Variants in DPP10 observed in about 807,000 individuals in gnomAD.
The protein encoded by DPP10 is dipeptidyl peptidase like 10.
Under a neutral mutation model 120.9 loss-of-function variants are expected in DPP10, and 33 were observed. That is an observed-to-expected ratio of 0.27 (90% CI 0.21 to 0.37). The LOEUF (loss-of-function observed/expected upper bound fraction) is 0.37. Ranked by LOEUF, DPP10 falls within the 10% of genes least tolerant of loss-of-function variation. DPP10 has a pLI of 1.00. For synonymous variants in DPP10, 337 were observed against 326.1 expected (o/e 1.03, Z -0.36); for missense variants, 816 against 942.8 (o/e 0.87, Z 1.76).
Position 115,542,694 on chromosome 2 carries a change from TA to T in DPP10, c.441+16733del, listed in dbSNP as rs979767132. Among the ~76,000 whole-genome samples the T allele has an allele frequency of 6.8e-4, 96 of 142,032 alleles. 1 individual carries two copies. The highest frequency in any genetic ancestry group is 6.6e-4 in the South Asian group (3 of 4,528). 93.2% of individuals were successfully genotyped at this position (142,032 alleles called of 152,430 possible). A position where few individuals can be genotyped will look rare whatever the true frequency, so the allele number is the denominator to read the frequency against. On this transcript the variant is annotated intron_variant, in intron 5 of 25. Coordinates refer to ENST00000410059, the MANE Select transcript of DPP10 (RefSeq NM_020868.6). ...GAGCACAAGCATTAAGAGATGACATTAAAAAAAAAAAGAGAGAGATGACATT... is the reference window on the plus strand; with the variant it reads ...GAGCACAAGCATTAAGAGATGACATTAAAAAAAAAAGAGAGAGATGACATT...
chr2:114,997,043 G>C (rs959199505), intron 1 of DPP10, among the ~76,000 whole-genome samples: 1 of 151,538 alleles, frequency 6.6e-6, no homozygotes, highest in African/African-American at 2.4e-5. Flanking sequence ...TTCTGAGGGG[G>C]TCATTGGGTA....
chr2:115,485,290 GAA>G (rs2075706222), intron 3 of DPP10, among the ~76,000 whole-genome samples: 1 of 147,324 alleles, frequency 6.8e-6, no homozygotes, highest in African/African-American at 2.5e-5. Flanking sequence ...ATATGCTTGA[GAA>G]GTTATTTTAT....
intron 1 of DPP10, among the ~76,000 whole-genome samples, chr2:115,302,125 G>C (rs2061165961): frequency 6.6e-6 from 1 of 151,932 alleles, no homozygotes; most frequent in Admixed American, 6.6e-5. Context: ...GAGAGAGTGA[G>C]TGAAGGGGGA....
intron 1 of DPP10, among the ~76,000 whole-genome samples, chr2:114,894,874 GA>G (rs1031170799): frequency 6.6e-6 from 1 of 152,044 alleles, no homozygotes; most frequent in African/African-American, 2.4e-5. Flanking sequence ...TAAAAGATGG[GA>G]AAGGACATAG....
At chr2:115,585,782 A>G (rs1020684010) in intron 5 of DPP10, among the ~76,000 whole-genome samples, 5 of 152,146 alleles carry the variant, frequency 3.3e-5, no homozygotes, top group South Asian at 2.1e-4. Context: ...ATATGTGGAC[A>G]TCTATCTATC....
At chr2:114,852,429 A>G (rs187305972) in intron 1 of DPP10, among the ~76,000 whole-genome samples, 1 of 152,206 alleles carries the variant, frequency 6.6e-6, no homozygotes, top group Admixed American at 6.5e-5. Flanking sequence ...TGTACTAAAC[A>G]TATAGAGACT....
chr2:115,810,545 C>T (rs1686526053), intron 19 of DPP10, among the ~76,000 whole-genome samples: 1 of 152,010 alleles, frequency 6.6e-6, no homozygotes, highest in Non-Finnish European at 1.5e-5. Flanking sequence ...GTGAACTCAT[C>T]CATACAGACA....
At chr2:115,733,601 A>G (rs1007156813) in intron 8 of DPP10, among the ~76,000 whole-genome samples, 1 of 152,168 alleles carries the variant, frequency 6.6e-6, no homozygotes, top group Non-Finnish European at 1.5e-5. Context: ...AAAAAAAAAA[A>G]AAAATCAACC....
chr2:115,462,237 A>C (rs2074031385), intron 3 of DPP10, among the ~76,000 whole-genome samples: 2 of 152,084 alleles, frequency 1.3e-5, no homozygotes, highest in Non-Finnish European at 2.9e-5. Context: ...TTTCCCTATG[A>C]ACTGTATTCC....
chr2:115,786,012 T>C (rs1244231584), intron 17 of DPP10, among the ~76,000 whole-genome samples: 1 of 152,136 alleles, frequency 6.6e-6, no homozygotes, highest in East Asian at 1.9e-4. Flanking sequence ...TTTAAACATG[T>C]AAAAAACCTC....
chr2:114,867,817 G>T (rs574481074), intron 1 of DPP10, among the ~76,000 whole-genome samples: 121 of 152,278 alleles, frequency 7.9e-4, no homozygotes, highest in African/African-American at 2.8e-3. Context: ...GGAAAATGAG[G>T]TCATGGTGTC....
chr2:115,402,852 A>ATATATAT (rs70941056), intron 3 of DPP10, among the ~76,000 whole-genome samples: 22 of 56,948 alleles, frequency 3.9e-4, no homozygotes, highest in Admixed American at 5.4e-4. Flanking sequence ...GAAAAAAAAA[A>ATATATAT]AAATATATAT....
chr2:114,841,343 A>G (rs1371306740), intron 1 of DPP10, among the ~76,000 whole-genome samples: 1 of 152,196 alleles, frequency 6.6e-6, no homozygotes, highest in African/African-American at 2.4e-5. Flanking sequence ...CAAAAATAAA[A>G]TAGTTGATTG....
intron 1 of DPP10, among the ~76,000 whole-genome samples, chr2:114,477,986 CATATATGTGTAT>C: frequency 6.8e-6 from 1 of 147,504 alleles, no homozygotes; most frequent in African/African-American, 2.6e-5. Flanking sequence ...TATATATGTA[CATATATGTGTAT>C]ATATGTATGT....
intron 3 of DPP10, among the ~76,000 whole-genome samples, chr2:115,490,303 C>T (rs1329431687): frequency 6.6e-6 from 1 of 152,058 alleles, no homozygotes; most frequent in Non-Finnish European, 1.5e-5. Context: ...AGAATGAGTG[C>T]CAGCAGGGGA....
intron 2 of DPP10, among the ~76,000 whole-genome samples, chr2:115,315,139 A>G (rs911786031): frequency 6.6e-6 from 1 of 152,016 alleles, no homozygotes; most frequent in Non-Finnish European, 1.5e-5. Flanking sequence ...ATGTGCCCAC[A>G]AATATGATGT....
At chr2:114,504,248 C>A (rs568935463) in intron 1 of DPP10, among the ~76,000 whole-genome samples, 3 of 152,306 alleles carry the variant, frequency 2.0e-5, no homozygotes, top group South Asian at 4.1e-4. Context: ...TTATTTCCAA[C>A]TCATCTTATA....
intron 3 of DPP10, among the ~76,000 whole-genome samples, chr2:115,415,911 G>A (rs1280159949): frequency 7.3e-6 from 1 of 136,566 alleles, no homozygotes; most frequent in African/African-American, 2.7e-5. Context: ...TTATTTTAAT[G>A]GGCAAAATAT....
At chr2:115,270,100 AC>A in intron 1 of DPP10, among the ~76,000 whole-genome samples, 1 of 149,458 alleles carries the variant, frequency 6.7e-6, no homozygotes, top group Non-Finnish European at 1.5e-5. Flanking sequence ...ACACACACAC[AC>A]ACACACACAC....
Sources: allele counts gnomAD v4.1 joint callset (sites outside exome capture counted in the v4.1 genomes callset), GRCh38; gene constraint gnomAD v4.1.1; transcripts MANE v1.5; gene names NCBI Gene and HGNC (gene_info 2026-07-23, HGNC 2026-07-21).